The following HYI variants were observed in gnomAD, a reference collection of about 807,000 sequenced individuals.
HYI encodes putative hydroxypyruvate isomerase.
In HYI, 47 loss-of-function variants were observed where a neutral mutation model predicts 39.7. That is an observed-to-expected ratio of 1.18 (90% CI 0.94 to 1.51). The LOEUF is 1.51. Among genes scored for constraint, HYI ranks in the 40% most tolerant of loss-of-function variants. The pLI, the probability that HYI is intolerant of heterozygous loss-of-function variation, is 0.00. For synonymous variants in HYI, 186 were observed against 158.8 expected (o/e 1.17, Z -1.29); for missense variants, 465 against 370.3 (o/e 1.26, Z -2.10).
Position 43,452,812 on chromosome 1 carries a change from G to C in HYI, c.312-493C>G, listed in dbSNP as rs542922172. On this transcript the variant is annotated intron_variant, in intron 2 of 7. Transcript: ENST00000372430. The stretch of plus-strand genomic sequence containing the variant: ...GACATTTGAATCAGCCCCACTTTGA[G>C]CCGTCCACCTCCTCCCATCATCCCC... 145 of 1,367,592 alleles carry C rather than the reference G, an allele frequency of 1.1e-4. No homozygotes were observed. In the African/African-American group the frequency reaches 2.0e-3, roughly 19 times the overall value. 84.7% of individuals were successfully genotyped at this position (1,367,592 alleles called of 1,614,324 possible).
chr1:43,453,269 G>A, intron 2 of HYI, 117 bp downstream of exon 2: 3 of 700,430 alleles, frequency 4.3e-6, no homozygotes, highest in Non-Finnish European at 7.2e-6. Context: ...GACCGCAGAG[G>A]CAGAGATAAA....
chr1:43,450,757 G>A (rs534826906), downstream of HYI: 69 of 694,494 alleles, frequency 9.9e-5, no homozygotes, highest in African/African-American at 9.7e-4. This position sits in a 1 kb window ranked among gnomAD's most constrained non-coding sequence, Gnocchi z 4.3. Context: ...TACTCCTTTC[G>A]GCCCCCCTGG....
In HYI at chr1:43,451,941, G is replaced by A. The variant is rs1656479840; in HGVS notation, c.499C>T (p.Gln167Ter). 6.2e-7 allele frequency: 1 copy of A among 1,612,474 alleles called. No individual in the cohort carries two copies. Among genetic ancestry groups the A allele is most frequent in the African/African-American group, 1.3e-5 (1 of 75,004 alleles). Residue 167 changes from glutamine to a stop codon, truncating the protein, a stop_gained, in exon 4 of 8, where the codon CAG becomes TAG. Transcript: ENST00000372430. LOFTEE classifies it high-confidence loss of function. ...GACAGGGCTGGGGTCGTACCCTGCT[G>A]GGGCGTGTCCAGGAAGTACTGGGGG... is the stretch of plus-strand genomic sequence containing the variant. ...TDPQYFLDTP[Q>*]QAAAILQKVG...
rs1188051122 is a variant in HYI at position 43,451,160 on chromosome 1, C to T, written c.*78G>A. 1.1e-5 allele frequency: 15 copies of T among 1,311,748 alleles called. No homozygotes were observed. Among genetic ancestry groups the T allele is most frequent in the Non-Finnish European group, 1.7e-5 (15 of 905,238 alleles). 81.3% of individuals were successfully genotyped at this position (1,311,748 alleles called of 1,614,324 possible). A position where few individuals can be genotyped will look rare whatever the true frequency, so the allele number is the denominator to read the frequency against. On this transcript the variant is annotated 3_prime_UTR_variant, in exon 8 of 8. Coordinates refer to ENST00000372430, the MANE Select transcript of HYI (RefSeq NM_001190880.3). ...CATTACAGAGACATATGACAATGTT[C>T]AGCAGGTCATCTTTAATGCAGAGGA...
downstream of HYI, chr1:43,450,622 T>C (rs930690740): frequency 2.4e-6 from 3 of 1,267,450 alleles, no homozygotes; most frequent in Non-Finnish European, 3.3e-6. This position sits in a 1 kb window ranked among gnomAD's most constrained non-coding sequence, Gnocchi z 4.3. Flanking sequence ...TGTAACTATG[T>C]CTTGAGGGTC....
chr1:43,453,584 C>T lies in HYI; in HGVS notation c.199+11G>A. 1 of 1,520,982 alleles carries T rather than the reference C, an allele frequency of 6.6e-7. No individual in the cohort carries two copies. The highest frequency in any genetic ancestry group is 8.8e-7 in the Non-Finnish European group (1 of 1,133,492). 94.2% of individuals were successfully genotyped at this position (1,520,982 alleles called of 1,614,324 possible). ...CCCCAGCCCTCCCAGCCCTCCCGGCCCGCGACGCACCCGGGGGCGTGTTGA... is the reference window on the plus strand; with the variant it reads ...CCCCAGCCCTCCCAGCCCTCCCGGCTCGCGACGCACCCGGGGGCGTGTTGA... On this transcript the variant is annotated intron_variant, in intron 1 of 7. Transcript: ENST00000372430.
chr1:43,452,391 G>A lies in HYI; in HGVS notation c.312-72C>T, dbSNP rs150009822. The A allele has an allele frequency of 2.6e-5, 32 of 1,250,412 alleles. No individual in the cohort carries two copies. In the Middle Eastern group the frequency reaches 5.6e-4, roughly 22 times the overall value. 77.5% of individuals were successfully genotyped at this position (1,250,412 alleles called of 1,614,324 possible). On this transcript the variant is annotated intron_variant, in intron 2 of 7. Transcript: ENST00000372430. ...GCACCTCTTCCAGGATTCCCTGACT[G>A]TGCCAGCCCTCGTCCGTCTCCCCAG... is the stretch of plus-strand genomic sequence containing the variant.
Position 43,451,642 on chromosome 1 carries a change from T to A in HYI, c.625+6A>T, listed in dbSNP as rs772152391. ...AGGGTGGGAGGGCAAAGGAAGGTCC[T>A]CTCACCAACAATGGGCAGGAACTCC... On this transcript the variant is annotated splice_donor_region_variant and intron_variant, in intron 6 of 7. Coordinates refer to ENST00000372430, the MANE Select transcript of HYI (RefSeq NM_001190880.3). 1 of 1,614,096 alleles carries A rather than the reference T, an allele frequency of 6.2e-7. No individual in the cohort carries two copies. The highest frequency in any genetic ancestry group is 8.5e-7 in the Non-Finnish European group (1 of 1,179,988).
chr1:43,453,544 C>T, intron 1 of HYI, 47 bp from the exon 2 acceptor site: 1 of 1,523,264 alleles, frequency 6.6e-7, no homozygotes. Flanking sequence ...ACTCCCCTGC[C>T]CGCGCCCCGG....
chr1:43,453,895 G>C lies in HYI; in HGVS notation c.-102C>G. ...GCGGGGCTCTCCTTGCTGGCCCTGC[G>C]AACGAACGAGCACTGTTCGTGGTTA... is the stretch of plus-strand genomic sequence containing the variant. On this transcript the variant is annotated 5_prime_UTR_variant, in exon 1 of 8. Coordinates refer to ENST00000372430, the MANE Select transcript of HYI (RefSeq NM_001190880.3). The C allele has an allele frequency of 8.2e-7, 1 of 1,223,868 alleles. No homozygotes were observed. The highest frequency in any genetic ancestry group is 1.0e-6 in the Non-Finnish European group (1 of 983,804). The allele number at this position is 1,223,868 out of a possible 1,614,324, so 75.8% of individuals were successfully genotyped here.
Position 43,451,918 on chromosome 1 carries a change from CAG to C in HYI, c.505+15_505+16del, listed in dbSNP as rs1656476188. 6.2e-7 allele frequency: 1 copy of C among 1,613,114 alleles called. No individual in the cohort carries two copies. Among genetic ancestry groups the C allele is most frequent in the Non-Finnish European group, 8.5e-7 (1 of 1,179,244 alleles). On this transcript the variant is annotated intron_variant, in intron 4 of 7. Transcript: ENST00000372430. ...GAATCAAAAGGGACAGAAGGAGAGACAGGGCTGGGGTCGTACCCTGCTGGGGC... is the reference window on the plus strand; with the variant it reads ...GAATCAAAAGGGACAGAAGGAGAGACGGCTGGGGTCGTACCCTGCTGGGGC...
chr1:43,453,627 C>G lies in HYI; in HGVS notation c.167G>C (p.Gly56Ala). The G allele has an allele frequency of 6.7e-7, 1 of 1,496,152 alleles. No homozygotes were observed. The highest frequency in any genetic ancestry group is 1.5e-5 in the African/African-American group (1 of 68,382). The allele number at this position is 1,496,152 out of a possible 1,614,324, so 92.7% of individuals were successfully genotyped here. ...EALARAAREA[G>A]LRLVLINTPP... ...CGTGTTGATCAGTACAAGCCGCAGC[C>G]CCGCTTCTCGCGCGGCGCGCGCCAG... The change falls in exon 1 of 8, where the codon GGG (glycine) becomes GCG (alanine). Residue 56 changes from glycine (G) to alanine (A), a missense_variant. Transcript: ENST00000372430.
Position 43,452,152 on chromosome 1 carries a change from C to G in HYI, c.426+53G>C, listed in dbSNP as rs1376844323. ...TGCTGTCCCCACTGTGCACCCCCTTCTCCGCACACCCACAGAGACATGTAA... is the reference window on the plus strand; with the variant it reads ...TGCTGTCCCCACTGTGCACCCCCTTGTCCGCACACCCACAGAGACATGTAA... On this transcript the variant is annotated intron_variant, in intron 3 of 7. Transcript: ENST00000372430. 2.0e-5 allele frequency: 30 copies of G among 1,528,474 alleles called. No homozygotes were observed. In the Admixed American group the frequency reaches 4.1e-4, roughly 21 times the overall value. 94.7% of individuals were successfully genotyped at this position (1,528,474 alleles called of 1,614,324 possible).
Position 43,452,247 on chromosome 1 carries a change from A to G in HYI, c.384T>C (p.Val128=), listed in dbSNP as rs1656519277. ...CTGCATGCCTCAGGTTCTCCAGAAA[A>G]ACGGCCTCCATCTCAGCCTTGACTG... The part of the protein sequence containing the change: ...RIAVKAEMEA[V]FLENLRHAAG... The change falls in exon 3 of 8, where the codon GTT becomes GTC. Residue 128 remains valine (V), a synonymous_variant. Coordinates refer to ENST00000372430, the MANE Select transcript of HYI (RefSeq NM_001190880.3). The G allele has an allele frequency of 1.2e-5, 19 of 1,613,914 alleles. No homozygotes were observed. Among genetic ancestry groups the G allele is most frequent in the African/African-American group, 2.7e-5 (2 of 75,012 alleles).
At chr1:43,450,702 C>G (rs756336731), downstream of HYI, 40 of 733,474 alleles carry the variant, frequency 5.5e-5, no homozygotes, top group Non-Finnish European at 5.6e-5. The surrounding 1 kb of genome is among the most constrained non-coding windows in gnomAD (Gnocchi z 4.3). Context: ...TCCAGGACTC[C>G]AGAGAGTCAG....
rs762968667 is a variant in HYI, at chr1:43,451,397, G to A, written c.760+13C>T. 2 of 1,611,972 alleles carry A rather than the reference G, an allele frequency of 1.2e-6. No individual in the cohort carries two copies. The highest frequency in any genetic ancestry group is 1.7e-5 in the Admixed American group (1 of 60,010). On this transcript the variant is annotated intron_variant, in intron 7 of 7. Coordinates refer to ENST00000372430, the MANE Select transcript of HYI (RefSeq NM_001190880.3). ...GTCCCTCCAGAGCTCCCTTCCCCAG[G>A]GCCACGCCTCACCTCGAGGCTGATA...
Position 43,451,980 on chromosome 1 carries a change from T to TCA in HYI, c.459_460insTG (p.Thr154Ter). On this transcript the variant is annotated frameshift_variant, in exon 4 of 8. Transcript: ENST00000372430. LOFTEE classifies it high-confidence loss of function. ...AAGTACTGGGGGTCAGTGATGCGGGTGTTGATGGGCTCCAGCAGTCCCACG... is the reference window on the plus strand; with the variant it reads ...AAGTACTGGGGGTCAGTGATGCGGGTCAGTTGATGGGCTCCAGCAGTCCCACG... 6.2e-7 allele frequency: 1 copy of TCA among 1,610,916 alleles called. No individual in the cohort carries two copies. Among genetic ancestry groups the TCA allele is most frequent in the South Asian group, 1.1e-5 (1 of 90,868 alleles).
At chr1:43,452,782 G>T in intron 2 of HYI, 1 of 1,044,378 alleles carries the variant, frequency 9.6e-7, no homozygotes, top group Non-Finnish European at 1.4e-6. Flanking sequence ...GCCTCTGCAG[G>T]ATTTGACATT....
chr1:43,451,751 C>G, intron 5 of HYI, 34 bp from the exon 6 acceptor site: 7 of 1,613,866 alleles, frequency 4.3e-6, no homozygotes, highest in Non-Finnish European at 5.9e-6. Flanking sequence ...CGAGACCCCG[C>G]AGGCCCCGCC....
Sources: allele counts gnomAD v4.1 joint callset, GRCh38; gene constraint gnomAD v4.1.1; non-coding constraint Gnocchi (gnomAD v3.1); transcripts MANE v1.5; gene names NCBI Gene and HGNC (gene_info 2026-07-23, HGNC 2026-07-21).